GRM7: variants seen among roughly 807,000 people sequenced by gnomAD.
GRM7 encodes the protein metabotropic glutamate receptor 7.
A neutral mutation model predicts 84.5 loss-of-function variants in GRM7; 35 were observed. The ratio of observed to expected loss-of-function variants is 0.41; its 90% confidence interval spans 0.32 to 0.55. GRM7 has a LOEUF of 0.55. GRM7 is among the 20% of genes least tolerant of loss of function. The pLI is 0.19. For synonymous variants in GRM7, 487 were observed against 455.1 expected, an observed-to-expected ratio of 1.07 and a Z score of -0.89; for missense variants, 1,003 against 1,194.6, an observed-to-expected ratio of 0.84 and a Z score of 2.36.
intron 1 of GRM7, among the ~76,000 whole-genome samples, chr3:6,975,945 T>C (rs1383011760): frequency 6.6e-6 from 1 of 152,196 alleles, no homozygotes; most frequent in African/African-American, 2.4e-5. Flanking sequence ...AATCAAGAGC[T>C]GGACCATACA....
intron 8 of GRM7, among the ~76,000 whole-genome samples, chr3:7,659,753 G>T (rs3864074): frequency 0.44 from 66,328 of 152,016 alleles, 15,442 homozygotes; most frequent in Non-Finnish European, 0.53. Flanking sequence ...GATAGGAAGA[G>T]AGTGTGGATT....
chr3:7,500,714 A>G (rs1699856781), intron 7 of GRM7, among the ~76,000 whole-genome samples: 1 of 152,242 alleles, frequency 6.6e-6, no homozygotes, highest in Admixed American at 6.5e-5. Context: ...TCCTGCTGAC[A>G]TGAGTTGAGC....
At chr3:6,925,596 T>C (rs1697270546) in intron 1 of GRM7, among the ~76,000 whole-genome samples, 1 of 152,202 alleles carries the variant, frequency 6.6e-6, no homozygotes, top group African/African-American at 2.4e-5. Flanking sequence ...TCTTCTATCA[T>C]CTCATACAAT....
intron 9 of GRM7, among the ~76,000 whole-genome samples, chr3:7,726,638 T>G (rs1702142158): frequency 1.9e-5 from 2 of 107,296 alleles, no homozygotes; most frequent in Non-Finnish European, 3.9e-5. Flanking sequence ...TATATATATA[T>G]ATATATATAT....
rs1693462131 is a variant in GRM7 at position 6,965,053 on chromosome 3, C to T, written c.519+103146C>T. 2.0e-5 allele frequency among the ~76,000 whole-genome samples: 3 copies of T among 152,152 alleles called. 1 individual carries two copies. Among genetic ancestry groups the T allele is most frequent in the African/African-American group, 7.2e-5 (3 of 41,422 alleles). ...TAACCATTGTGGGAAATGTGGGTAC[C>T]AGGGAAGCAGCAAGTAAAGGTCAAG... On this transcript the variant is annotated intron_variant, in intron 1 of 9. Transcript: ENST00000357716.
At position 6,888,413 on chromosome 3, in the gene GRM7, G is replaced by A. The variant is rs577490413; in HGVS notation, c.519+26506G>A. Among the ~76,000 whole-genome samples, 13 of 152,226 alleles carry A rather than the reference G, an allele frequency of 8.5e-5. No homozygotes were observed. In the East Asian group the frequency reaches 2.3e-3, roughly 27 times the overall value. On this transcript the variant is annotated intron_variant, in intron 1 of 9. Transcript: ENST00000357716. ...CATCTTGAATTAATTTTTGTATAAG[G>A]TGTAAGGAAGGGATCCAGTTTCAGC...
At chr3:7,535,757 A>T (rs755166282) in intron 7 of GRM7, among the ~76,000 whole-genome samples, 19 of 152,220 alleles carry the variant, frequency 1.2e-4, no homozygotes, top group Non-Finnish European at 2.2e-4. Flanking sequence ...ATTTTACTCA[A>T]TAAAGATACC....
chr3:7,663,369 G>C (rs1450252606), intron 8 of GRM7, among the ~76,000 whole-genome samples: 7 of 152,164 alleles, frequency 4.6e-5, no homozygotes, highest in Non-Finnish European at 7.3e-5. Flanking sequence ...GGATGCCCAG[G>C]GGAAGGGGGC....
chr3:7,603,027 G>A (rs533526964), intron 8 of GRM7, among the ~76,000 whole-genome samples: 1 of 152,222 alleles, frequency 6.6e-6, no homozygotes, highest in East Asian at 1.9e-4. Flanking sequence ...AAATGGTAAA[G>A]AAAATCACAG....
At chr3:7,078,176 C>T (rs1197046202) in intron 1 of GRM7, among the ~76,000 whole-genome samples, 2 of 152,206 alleles carry the variant, frequency 1.3e-5, no homozygotes, top group Non-Finnish European at 2.9e-5. Context: ...GTTCTGTTGT[C>T]AGCCATGTAT....
At chr3:7,414,291 G>A (rs1228047159) in intron 4 of GRM7, among the ~76,000 whole-genome samples, 4 of 152,098 alleles carry the variant, frequency 2.6e-5, no homozygotes, top group Non-Finnish European at 5.9e-5. Flanking sequence ...GTGGGGGAAG[G>A]AGATGGTGTA....
At chr3:7,587,597 A>G (rs1209167803) in intron 8 of GRM7, among the ~76,000 whole-genome samples, 2 of 152,210 alleles carry the variant, frequency 1.3e-5, no homozygotes, top group Admixed American at 1.3e-4. Context: ...TTTTTAAACA[A>G]GGAGAGAAGT....
At chr3:7,268,420 C>T in intron 2 of GRM7, among the ~76,000 whole-genome samples, 1 of 151,998 alleles carries the variant, frequency 6.6e-6, no homozygotes. Flanking sequence ...TGAGCCACTG[C>T]ACTCCAGCCT....
rs192005355 is a variant in GRM7, at chr3:7,469,877, C to T, written c.1515+8155C>T. Among the ~76,000 whole-genome samples, 14 of 152,232 alleles carry T rather than the reference C, an allele frequency of 9.2e-5. No homozygotes were observed. The East Asian group carries it at 1.2e-3, about 13-fold the overall frequency. On this transcript the variant is annotated intron_variant, in intron 7 of 9. Transcript: ENST00000357716. ...CCCATTTGTCAGTTAACTTGAGATG[C>T]GAGACCCCAAACTGATTACAGACAG...
At chr3:6,927,459 GAGAGAGAAAGAA>G (rs1391283988) in intron 1 of GRM7, among the ~76,000 whole-genome samples, 1 of 46,364 alleles carries the variant, frequency 2.2e-5, no homozygotes, top group Non-Finnish European at 4.6e-5. Context: ...GAAAGAAAGA[GAGAGAGAAAGAA>G]AGAAAGAAAG....
intron 2 of GRM7, among the ~76,000 whole-genome samples, chr3:7,294,826 AG>A (rs751937578): frequency 2.0e-4 from 31 of 152,220 alleles, no homozygotes; most frequent in Non-Finnish European, 3.8e-4. Context: ...GTGCTTCACA[AG>A]CTCTTCTGTA....
intron 1 of GRM7, among the ~76,000 whole-genome samples, chr3:7,115,134 T>A (rs1692987436): frequency 6.6e-6 from 1 of 152,194 alleles, no homozygotes. Flanking sequence ...GCCACTTATC[T>A]AAGGTCAGAT....
At chr3:7,462,701 C>T (rs1698300272) in intron 7 of GRM7, among the ~76,000 whole-genome samples, 3 of 152,118 alleles carry the variant, frequency 2.0e-5, no homozygotes, top group African/African-American at 7.2e-5. Flanking sequence ...CGTGAAGCCA[C>T]TACAGGCCAG....
intron 2 of GRM7, among the ~76,000 whole-genome samples, chr3:7,240,406 C>T (rs925593679): frequency 6.6e-6 from 1 of 151,450 alleles, no homozygotes; most frequent in African/African-American, 2.4e-5. Flanking sequence ...GTCTATTGGG[C>T]ATAATTTTAA....
Sources: allele counts gnomAD v4.1 joint callset (sites outside exome capture counted in the v4.1 genomes callset), GRCh38; gene constraint gnomAD v4.1.1; transcripts MANE v1.5; gene names NCBI Gene and HGNC (gene_info 2026-07-23, HGNC 2026-07-21).